Variants in DLAT observed in about 807,000 individuals in gnomAD.
DLAT encodes the protein dihydrolipoyllysine-residue acetyltransferase component of pyruvate dehydrogenase complex, mitochondrial.
A neutral mutation model predicts 68.0 loss-of-function variants in DLAT; 43 were observed. The ratio of observed to expected loss-of-function variants is 0.63; its 90% CI spans 0.50 to 0.81. The LOEUF (loss-of-function observed/expected upper bound fraction) is 0.81. Ranked by LOEUF, DLAT falls within the 40% of genes least tolerant of loss-of-function variation. DLAT has a pLI of 0.00. For missense variants in DLAT, 745 were observed against 815.4 expected (o/e 0.91, Z 1.05); for synonymous variants, 265 against 288.6 (o/e 0.92, Z 0.83).
At chr11:112,045,329 G>A (rs1159003841) in intron 9 of DLAT, 99 bp downstream of exon 9, 1 of 1,016,412 alleles carries the variant, frequency 9.8e-7, no homozygotes, top group Non-Finnish European at 1.5e-6. Context: ...GGCTTTTTAA[G>A]TTGGGAATAT....
intron 11 of DLAT, among the ~76,000 whole-genome samples, chr11:112,059,065 AG>A (rs1555182887): frequency 6.6e-6 from 1 of 151,724 alleles, no homozygotes. Flanking sequence ...AAAAAAAAAA[AG>A]ATTGGGACCC....
Position 112,025,562 on chromosome 11 carries a change from A to C in DLAT, c.90A>C (p.Gly30=). ...GGACGGCCTTGCAGGAGGTACCCGGAACTCCACGAGTGACCTCGCGATCTG... is the reference window on the plus strand; with the variant it reads ...GGACGGCCTTGCAGGAGGTACCCGGCACTCCACGAGTGACCTCGCGATCTG... ...ARWTALQEVP[G]TPRVTSRSGP... is the part of the protein sequence containing the mutation. The change falls in exon 1 of 14, where the codon GGA becomes GGC. Residue 30 remains glycine, a synonymous_variant. Coordinates refer to ENST00000280346, the MANE Select transcript of DLAT (RefSeq NM_001931.5). 6.2e-7 allele frequency: 1 copy of C among 1,613,926 alleles called. No homozygotes were observed.
chr11:112,062,496 TAG>T lies in DLAT; in HGVS notation c.1907_1908del (p.Arg636LysfsTer4). 6.2e-7 allele frequency: 1 copy of T among 1,612,668 alleles called. No individual in the cohort carries two copies. Among genetic ancestry groups the T allele is most frequent in the South Asian group, 1.1e-5 (1 of 91,006 alleles). Reference sequence around the variant, plus strand: ...TTGGAGCCCAGTGGCTTGCTGAGTTTAGAAAGTACCTTGAAAAACCTATCACT... The same window carrying T: ...TTGGAGCCCAGTGGCTTGCTGAGTTTAAAGTACCTTGAAAAACCTATCACT... ...AVGAQWLAEF[R>X]KYLEKPITML... On this transcript the variant is annotated frameshift_variant, in exon 14 of 14. Transcript: ENST00000280346. LOFTEE classifies it high-confidence loss of function.
At chr11:112,028,985 T>C (rs782500644) in intron 4 of DLAT, 40 bp downstream of exon 4, 1 of 1,612,020 alleles carries the variant, frequency 6.2e-7, no homozygotes, top group South Asian at 1.1e-5. Flanking sequence ...AGGTGATTAC[T>C]TACTTACTCA....
In DLAT at chr11:112,060,261, C is replaced by T. The variant is rs955904234; in HGVS notation, c.1677+196C>T. Among the ~76,000 whole-genome samples the T allele has an allele frequency of 2.7e-5, 4 of 147,368 alleles. No individual in the cohort carries two copies. The Middle Eastern group carries it at 0.012, about 435-fold the overall frequency. ...ACTGCAAGCTCCGCCTCCTGGGTTA[C>T]GCCATTCTCCTGCCTCAGCCTCCCA... On this transcript the variant is annotated intron_variant, in intron 12 of 13. Transcript: ENST00000280346.
At chr11:112,037,183 A>G in intron 5 of DLAT, 90 bp from the exon 6 acceptor site, 1 of 1,311,110 alleles carries the variant, frequency 7.6e-7, no homozygotes, top group East Asian at 2.4e-5. Context: ...AGCTTGAATG[A>G]GAAAAATCAC....
intron 4 of DLAT, among the ~76,000 whole-genome samples, chr11:112,031,740 ATT>A (rs35661701): frequency 0.36 from 48,148 of 133,072 alleles, 8,679 homozygotes; most frequent in East Asian, 0.58. Flanking sequence ...TGCCCAGCTA[ATT>A]TTTTTTTTTT....
At position 112,028,602 on chromosome 11, in the gene DLAT, G is replaced by A. The variant is rs1566610004; in HGVS notation, c.469G>A (p.Val157Ile). ...KILVAEGTRD[V>I]PIGAIICITV... The stretch of plus-strand genomic sequence containing the variant: ...ACTTGTTGCTGAAGGTACCAGGGAT[G>A]TTCCCATCGGAGCGATCATCTGTAT... The change falls in exon 3 of 14, where the codon GTT (valine) becomes ATT (isoleucine). Residue 157 changes from valine to isoleucine, a missense_variant. Physicochemically the swap from Val to Ile is conservative, Grantham distance 29. Coordinates refer to ENST00000280346, the MANE Select transcript of DLAT (RefSeq NM_001931.5). The A allele has an allele frequency of 6.2e-7, 1 of 1,614,138 alleles. No individual in the cohort carries two copies. The highest frequency in any genetic ancestry group is 8.5e-7 in the Non-Finnish European group (1 of 1,180,024).
Position 112,028,945 on chromosome 11 carries a change from G to A in DLAT, c.660G>A (p.Gln220=). The A allele has an allele frequency of 6.2e-7, 1 of 1,613,960 alleles. No individual in the cohort carries two copies. The highest frequency in any genetic ancestry group is 1.1e-5 in the South Asian group (1 of 91,086). ...GTAGCTCATATCCCCCTCACATGCA[G>A]GTGAGGCTCAGCCTCTGAGTTTTTG... ...APGSSYPPHM[Q]VLLPALSPTM... The change falls in exon 4 of 14, where the codon CAG becomes CAA. Residue 220 remains glutamine, a splice_region_variant and synonymous_variant. Coordinates refer to ENST00000280346, the MANE Select transcript of DLAT (RefSeq NM_001931.5).
In DLAT at chr11:112,045,205, A is replaced by C; in HGVS notation, c.1265A>C (p.Asp422Ala). ...CCAGTTCCTACAGGTGTCTTCACAG[A>C]TATCCCAATCAGCAACATTCGTCGG... is the stretch of plus-strand genomic sequence containing the variant. ...MAPVPTGVFT[D>A]IPISNIRRVI... The change falls in exon 9 of 14, where the codon GAT (aspartate) becomes GCT (alanine). Residue 422 changes from aspartate (D) to alanine (A), a missense_variant. Coordinates refer to ENST00000280346, the MANE Select transcript of DLAT (RefSeq NM_001931.5). 1 of 1,614,140 alleles carries C rather than the reference A, an allele frequency of 6.2e-7. No homozygotes were observed. Among genetic ancestry groups the C allele is most frequent in the Non-Finnish European group, 8.5e-7 (1 of 1,180,014 alleles).
Position 112,051,550 on chromosome 11 carries a change from CTTGTTTTTGTTT to C in DLAT, c.1514+213_1514+224del, listed in dbSNP as rs1199593534. Among the ~76,000 whole-genome samples, 2 of 151,880 alleles carry C rather than the reference CTTGTTTTTGTTT, an allele frequency of 1.3e-5. No individual in the cohort carries two copies. The highest frequency in any genetic ancestry group is 2.9e-5 in the Non-Finnish European group (2 of 67,978). On this transcript the variant is annotated intron_variant, in intron 11 of 13. Transcript: ENST00000280346. This position sits in a 1 kb window ranked among gnomAD's most constrained non-coding sequence, Gnocchi z 4.3. Reference sequence around the variant, plus strand: ...TTTCTTACTGGCCCCAATTTTCAACCTTGTTTTTGTTTTTGTTTTTGTTGTTGTTGTTGATTT... The same window carrying C: ...TTTCTTACTGGCCCCAATTTTCAACCTTGTTTTTGTTGTTGTTGTTGATTT...
chr11:112,047,388 C>G (rs1015181198), intron 10 of DLAT, among the ~76,000 whole-genome samples: 1 of 152,108 alleles, frequency 6.6e-6, no homozygotes, highest in Non-Finnish European at 1.5e-5. Flanking sequence ...GGATAGATTT[C>G]AAAAATTTTC....
At position 112,033,394 on chromosome 11, in the gene DLAT, G is replaced by A. The variant is rs1862521234; in HGVS notation, c.661-10G>A. ...TGGTATTAAGCAATAATATGTGTTT[G>A]TTTCTGCAGGTACTTCTTCCTGCCC... On this transcript the variant is annotated splice_polypyrimidine_tract_variant and intron_variant, in intron 4 of 13. Transcript: ENST00000280346. 5.0e-6 allele frequency: 8 copies of A among 1,612,834 alleles called. No individual in the cohort carries two copies. The highest frequency in any genetic ancestry group is 6.8e-6 in the Non-Finnish European group (8 of 1,179,312).
chr11:112,043,709 T>G (rs782034114), intron 8 of DLAT, among the ~76,000 whole-genome samples, 176 bp downstream of exon 8: 2 of 152,194 alleles, frequency 1.3e-5, no homozygotes, highest in African/African-American at 2.4e-5. Flanking sequence ...AGGAGCCCCC[T>G]TGTATACCAA....
intron 7 of DLAT, among the ~76,000 whole-genome samples, chr11:112,042,580 T>C (rs1272221643): frequency 6.6e-6 from 1 of 152,214 alleles, no homozygotes; most frequent in Non-Finnish European, 1.5e-5. Context: ...GACCAAATTT[T>C]TCCTAGAAGT....
intron 10 of DLAT, among the ~76,000 whole-genome samples, chr11:112,049,859 C>A (rs1426349782): frequency 6.6e-6 from 1 of 151,984 alleles, no homozygotes; most frequent in Non-Finnish European, 1.5e-5. Flanking sequence ...TTACTTTTTT[C>A]ATTTTGACCT....
In DLAT at chr11:112,025,624, G is replaced by A. The variant is rs1417486402; in HGVS notation, c.152G>A (p.Gly51Glu). Residue 51 changes from glycine (G) to glutamate (E), a missense_variant, in exon 1 of 14, where the codon GGG (glycine) becomes GAG (glutamate). Coordinates refer to ENST00000280346, the MANE Select transcript of DLAT (RefSeq NM_001931.5). ...GCTCGTCGCAACAGCGTGACTACAG[G>A]GTATGGCGGGGTCCGGGCACTGTGC... is the stretch of plus-strand genomic sequence containing the variant. Reference protein sequence around the residue: ...APARRNSVTTGYGGVRALCGW... With the variant: ...APARRNSVTTEYGGVRALCGW... 2 of 1,613,544 alleles carry A rather than the reference G, an allele frequency of 1.2e-6. No homozygotes were observed. The highest frequency in any genetic ancestry group is 1.3e-5 in the African/African-American group (1 of 74,938).
At chr11:112,041,094 G>T (rs1470670356) in intron 7 of DLAT, among the ~76,000 whole-genome samples, 1 of 152,176 alleles carries the variant, frequency 6.6e-6, no homozygotes, top group Non-Finnish European at 1.5e-5. Context: ...TGAACAGAAA[G>T]GGAGTATAGC....
rs782144832 is a variant in DLAT, at chr11:112,051,247, G to T, written c.1412G>T (p.Arg471Ile). The T allele has an allele frequency of 5.6e-6, 9 of 1,611,108 alleles. No homozygotes were observed. In the East Asian group the frequency reaches 8.9e-5, roughly 16 times the overall value. The change falls in exon 11 of 14, where the codon AGA (arginine) becomes ATA (isoleucine). Residue 471 changes from arginine to isoleucine, a missense_variant. By Grantham distance (97) the Arg-to-Ile change is moderately conservative (BLOSUM62 -3). Coordinates refer to ENST00000280346, the MANE Select transcript of DLAT (RefSeq NM_001931.5). This position sits in a 1 kb window ranked among gnomAD's most constrained non-coding sequence, Gnocchi z 4.3. ...RKELNKILEG[R>I]SKISVNDFII... ...TTGTCTTTCCAGATATTAGAAGGGA[G>T]AAGCAAAATTTCTGTCAATGACTTC...
Sources: gnomAD v4.1 joint callset for allele counts (sites outside exome capture counted in the v4.1 genomes callset) on GRCh38, gnomAD v4.1.1 for gene constraint, Gnocchi (gnomAD v3.1) non-coding constraint, MANE v1.5 for transcripts, NCBI Gene and HGNC (gene_info 2026-07-23, HGNC 2026-07-21) for gene names.